THEMIS: variants seen among roughly 807,000 people sequenced by gnomAD.
THEMIS encodes protein THEMIS.
In THEMIS, 37 loss-of-function variants were observed where a neutral mutation model predicts 52.6. That is an observed-to-expected ratio of 0.70 (90% CI 0.54 to 0.93). The LOEUF is 0.93. Among genes scored for constraint, THEMIS ranks in the 40% least tolerant of loss-of-function variants. THEMIS has a pLI of 0.00. For missense variants in THEMIS, 808 were observed against 763.1 expected, an observed-to-expected ratio of 1.06 and a Z score of -0.69; for synonymous variants, 292 against 272.7, an observed-to-expected ratio of 1.07 and a Z score of -0.70.
intron 4 of THEMIS, among the ~76,000 whole-genome samples, chr6:127,746,244 G>T (rs1216705907): frequency 6.6e-6 from 1 of 151,706 alleles, no homozygotes; most frequent in Non-Finnish European, 1.5e-5. Context: ...TATAATAGAG[G>T]TAGGCTGTCC....
intron 2 of THEMIS, among the ~76,000 whole-genome samples, chr6:127,840,653 A>G (rs1004282681): frequency 6.6e-6 from 1 of 152,128 alleles, no homozygotes; most frequent in Non-Finnish European, 1.5e-5. Flanking sequence ...CTGCACATGA[A>G]TGTTTATAGC....
intron 4 of THEMIS, among the ~76,000 whole-genome samples, chr6:127,784,767 C>T (rs117517975): frequency 6.6e-6 from 1 of 152,244 alleles, no homozygotes; most frequent in Non-Finnish European, 1.5e-5. Flanking sequence ...TAATCCAGCA[C>T]TTCTGAAAGA....
At chr6:127,785,373 C>T (rs1224824609) in intron 4 of THEMIS, among the ~76,000 whole-genome samples, 1 of 151,618 alleles carries the variant, frequency 6.6e-6, no homozygotes. Flanking sequence ...CCTTAAGAAA[C>T]AATACTTTCT....
Position 127,813,206 on chromosome 6 carries a change from G to T in THEMIS, c.1435C>A (p.Leu479Met), listed in dbSNP as rs769470274. The T allele has an allele frequency of 1.2e-5, 19 of 1,613,976 alleles. No individual in the cohort carries two copies. The East Asian group carries it at 3.8e-4, about 32-fold the overall frequency. The change falls in exon 4 of 6, where the codon CTG (leucine) becomes ATG (methionine). Residue 479 changes from leucine (L) to methionine (M), a missense_variant. Transcript: ENST00000368248. The part of the protein sequence containing the change: ...EEDVLAATPG[L>M]QLEEDITDSY... ...TCTGTAATGTCCTCCTCCAACTGCA[G>T]TCCTGGTGTGGCAGCCAACACGTCC...
chr6:127,770,285 T>C (rs577031017), intron 4 of THEMIS, among the ~76,000 whole-genome samples: 1 of 152,312 alleles, frequency 6.6e-6, no homozygotes, highest in South Asian at 2.1e-4. Flanking sequence ...CCAGCACCTA[T>C]TGTTTCCTGA....
At chr6:127,774,409 G>T (rs956922467) in intron 4 of THEMIS, among the ~76,000 whole-genome samples, 2 of 152,100 alleles carry the variant, frequency 1.3e-5, no homozygotes, top group African/African-American at 2.4e-5. Flanking sequence ...GTTTCACCGT[G>T]TTAGCCAGGA....
At chr6:127,812,674 A>G (rs1369357976) in intron 4 of THEMIS, among the ~76,000 whole-genome samples, 1 of 152,216 alleles carries the variant, frequency 6.6e-6, no homozygotes, top group East Asian at 1.9e-4. Context: ...TTTCCAATTC[A>G]ATATTAAACT....
intron 4 of THEMIS, among the ~76,000 whole-genome samples, chr6:127,743,665 C>T (rs1397286612): frequency 2.6e-5 from 4 of 152,094 alleles, no homozygotes; most frequent in African/African-American, 7.2e-5. Context: ...ATTGTGCCCC[C>T]AGGCTGCTTC....
At chr6:127,787,519 G>A (rs535645461) in intron 4 of THEMIS, among the ~76,000 whole-genome samples, 2 of 152,110 alleles carry the variant, frequency 1.3e-5, no homozygotes, top group Non-Finnish European at 2.9e-5. Context: ...TGGCACCAGG[G>A]AAATGCTTTT....
At chr6:127,725,175 T>G (rs1774496688) in intron 4 of THEMIS, among the ~76,000 whole-genome samples, 1 of 152,102 alleles carries the variant, frequency 6.6e-6, no homozygotes, top group Admixed American at 6.6e-5. Flanking sequence ...ACTGCTACTT[T>G]CCACTGCCTG....
At chr6:127,774,637 T>C (rs1776497889) in intron 4 of THEMIS, among the ~76,000 whole-genome samples, 1 of 152,192 alleles carries the variant, frequency 6.6e-6, no homozygotes, top group African/African-American at 2.4e-5. Context: ...CTAGGAGAGC[T>C]GGTTCATTGG....
intron 2 of THEMIS, among the ~76,000 whole-genome samples, chr6:127,832,548 C>T (rs1427740799): frequency 6.6e-6 from 1 of 152,062 alleles, no homozygotes; most frequent in African/African-American, 2.4e-5. Flanking sequence ...AACTAAAGCA[C>T]CACTGGGACT....
intron 4 of THEMIS, among the ~76,000 whole-genome samples, chr6:127,769,804 G>T (rs1032808294): frequency 6.6e-6 from 1 of 152,072 alleles, no homozygotes; most frequent in Non-Finnish European, 1.5e-5. Flanking sequence ...GACAGTGTGT[G>T]ATGTTCCCCA....
chr6:127,706,812 A>G (rs937713974), downstream of THEMIS, among the ~76,000 whole-genome samples: 6 of 152,124 alleles, frequency 3.9e-5, no homozygotes, highest in East Asian at 1.2e-3. Context: ...TGGAGAGGAG[A>G]GCAAAAAGTG....
At chr6:127,741,706 C>T (rs1037547825) in intron 4 of THEMIS, among the ~76,000 whole-genome samples, 1 of 152,172 alleles carries the variant, frequency 6.6e-6, no homozygotes, top group Non-Finnish European at 1.5e-5. Context: ...TAACAGAGAT[C>T]AAATTAATTT....
At chr6:127,915,448 C>T (rs1781501326) in intron 1 of THEMIS, among the ~76,000 whole-genome samples, 1 of 151,950 alleles carries the variant, frequency 6.6e-6, no homozygotes, top group South Asian at 2.1e-4. Flanking sequence ...TTTCACAGGC[C>T]TTGTTCGGGC....
At chr6:127,702,565 T>C in the THEMIS span, among the ~76,000 whole-genome samples, 9 of 152,034 alleles carry the variant, frequency 5.9e-5, no homozygotes, top group African/African-American at 2.2e-4. Flanking sequence ...TTCTGGGTAA[T>C]TAATTAAGGT....
intron 3 of THEMIS, among the ~76,000 whole-genome samples, chr6:127,821,318 C>T (rs1778333748): frequency 6.6e-6 from 1 of 151,976 alleles, no homozygotes; most frequent in Non-Finnish European, 1.5e-5. Context: ...TTCTTTTTGA[C>T]TCTAAAATGT....
chr6:127,858,699 A>G (rs1779698689), intron 1 of THEMIS, among the ~76,000 whole-genome samples: 1 of 152,154 alleles, frequency 6.6e-6, no homozygotes, highest in Non-Finnish European at 1.5e-5. Context: ...ATATAGACAT[A>G]CATATTAAAA....
Sources: allele counts gnomAD v4.1 joint callset (sites outside exome capture counted in the v4.1 genomes callset), GRCh38; gene constraint gnomAD v4.1.1; transcripts MANE v1.5; gene names NCBI Gene and HGNC (gene_info 2026-07-23, HGNC 2026-07-21).